Variants in MTUS1 observed in about 807,000 individuals in gnomAD.
MTUS1 encodes microtubule-associated tumor suppressor 1.
In MTUS1, 109 loss-of-function variants were observed where a neutral mutation model predicts 120.8. The observed-to-expected ratio is 0.90, with a 90% CI of 0.77 to 1.06. MTUS1 has a LOEUF of 1.06. Ranked by LOEUF, MTUS1 falls within the 50% of genes least tolerant of loss-of-function variation. The pLI is 0.00. For synonymous variants in MTUS1, 737 were observed against 550.5 expected (o/e 1.34, Z -4.74); for missense variants, 2,210 against 1,486.3 (o/e 1.49, Z -8.01).
intron 8 of MTUS1, among the ~76,000 whole-genome samples, chr8:17,665,069 G>A (rs754345849): frequency 1.3e-5 from 2 of 152,186 alleles, no homozygotes; most frequent in Non-Finnish European, 2.9e-5. Flanking sequence ...TTACTCTTAT[G>A]CTTTGTAGAA....
At chr8:17,710,336 G>C (rs1466593703) in intron 6 of MTUS1, among the ~76,000 whole-genome samples, 1 of 152,204 alleles carries the variant, frequency 6.6e-6, no homozygotes, top group Admixed American at 6.5e-5. Context: ...ACTGCTTTAA[G>C]TTTATGGAAT....
At chr8:17,655,499 G>A (rs897084934) in intron 9 of MTUS1, among the ~76,000 whole-genome samples, 13 of 152,088 alleles carry the variant, frequency 8.5e-5, no homozygotes, top group Non-Finnish European at 1.9e-4. Flanking sequence ...CAAGGCAGGC[G>A]GATCACCTGA....
chr8:17,671,153 T>C (rs1378202477), intron 8 of MTUS1, among the ~76,000 whole-genome samples: 2 of 152,074 alleles, frequency 1.3e-5, no homozygotes, highest in Non-Finnish European at 2.9e-5. Flanking sequence ...AATCGTAGTA[T>C]GAAGTTGTAT....
chr8:17,697,986 T>G (rs1267746328), intron 6 of MTUS1, among the ~76,000 whole-genome samples: 3 of 151,720 alleles, frequency 2.0e-5, no homozygotes, highest in Non-Finnish European at 4.4e-5. Context: ...TTGGAAAAGT[T>G]TTTTTTTTAA....
intron 8 of MTUS1, among the ~76,000 whole-genome samples, chr8:17,664,460 AC>A (rs35833930): frequency 1.9e-5 from 2 of 102,850 alleles, no homozygotes; most frequent in African/African-American, 3.8e-5. Context: ...CCCCCACCCC[AC>A]CCCGAAATCC....
Position 17,755,476 on chromosome 8 carries a change from G to T in MTUS1, c.332C>A (p.Thr111Asn), listed in dbSNP as rs987203803. Residue 111 changes from threonine (T) to asparagine (N), a missense_variant, in exon 2 of 15, where the codon ACT (threonine) becomes AAT (asparagine). Physicochemically the swap from Thr to Asn is moderately conservative, Grantham distance 65. Transcript: ENST00000693296. ...GTGTTGCAGATATTTGGGCTTCTCA[G>T]TACCTACAAGTGCAGGACACTGACA... ...SICQCPALVG[T>N]EKPKYLQHSC... The T allele has an allele frequency of 6.2e-7, 1 of 1,614,190 alleles. No homozygotes were observed. The highest frequency in any genetic ancestry group is 1.3e-5 in the African/African-American group (1 of 75,054).
In MTUS1 at chr8:17,760,256, G is replaced by A. The variant is rs138370806; in HGVS notation, c.-154-4295C>T. ...AAAATAAAACAAATTTCAAATTGGT[G>A]AGCAAAGAGACTAAAAAACCCACAA... On this transcript the variant is annotated intron_variant, in intron 1 of 14. Coordinates refer to ENST00000693296, the MANE Select transcript of MTUS1 (RefSeq NM_001363059.2). Among the ~76,000 whole-genome samples the A allele has an allele frequency of 2.3e-3, 345 of 151,956 alleles. 1 individual carries two copies. Among genetic ancestry groups the A allele is most frequent in the African/African-American group, 8.1e-3 (334 of 41,424 alleles).
rs751663952 is a variant in MTUS1, at chr8:17,670,321, G to A, written c.2905+4865C>T. Reference sequence around the variant, plus strand: ...ACTAGAAAAATAAATCTGTGTCACTGTTGTATAGGTAGTAGCGGAAACCAT... The same window carrying A: ...ACTAGAAAAATAAATCTGTGTCACTATTGTATAGGTAGTAGCGGAAACCAT... On this transcript the variant is annotated intron_variant, in intron 8 of 14. Coordinates refer to ENST00000693296, the MANE Select transcript of MTUS1 (RefSeq NM_001363059.2). 6.6e-5 allele frequency among the ~76,000 whole-genome samples: 10 copies of A among 152,298 alleles called. No homozygotes were observed. In the South Asian group the frequency reaches 8.3e-4, roughly 13 times the overall value.
Position 17,655,952 on chromosome 8 carries a change from G to A in MTUS1, c.3019C>T (p.Leu1007Phe). The A allele has an allele frequency of 1.2e-6, 2 of 1,614,178 alleles. No homozygotes were observed. Among genetic ancestry groups the A allele is most frequent in the Non-Finnish European group, 1.7e-6 (2 of 1,180,026 alleles). ...TACTCCCTGGTGTAAAACTCTTTAA[G>A]CCGATTCTCTCGTTCTGTTTTTTCA... ...QAEKTERENR[L>F]KEFYTREYEK... Residue 1007 changes from leucine (L) to phenylalanine (F), a missense_variant, in exon 9 of 15, where the codon CTT (leucine) becomes TTT (phenylalanine). Leu to Phe is a conservative substitution (Grantham distance 22). Coordinates refer to ENST00000693296, the MANE Select transcript of MTUS1 (RefSeq NM_001363059.2).
At chr8:17,723,428 C>T in intron 4 of MTUS1, 1 of 534,242 alleles carries the variant, frequency 1.9e-6, no homozygotes, top group Non-Finnish European at 3.4e-6. Flanking sequence ...CTCCAAAACA[C>T]CATCACTTCA....
intron 6 of MTUS1, among the ~76,000 whole-genome samples, chr8:17,700,437 T>C (rs1046200731): frequency 2.4e-5 from 2 of 83,812 alleles, no homozygotes; most frequent in Non-Finnish European, 4.8e-5. Context: ...GCCATTGCAC[T>C]CCAGCCTGGG....
At chr8:17,706,982 C>G (rs558801426) in intron 6 of MTUS1, among the ~76,000 whole-genome samples, 4 of 152,132 alleles carry the variant, frequency 2.6e-5, no homozygotes, top group Non-Finnish European at 5.9e-5. Flanking sequence ...TTTACTAGAA[C>G]TAAGGAATAT....
At chr8:17,659,380 C>T (rs1809178348) in intron 8 of MTUS1, among the ~76,000 whole-genome samples, 1 of 152,102 alleles carries the variant, frequency 6.6e-6, no homozygotes. Flanking sequence ...ATTTTTAAAA[C>T]AATTAAAAAA....
At chr8:17,778,953 A>T (rs1004647446) in intron 1 of MTUS1, among the ~76,000 whole-genome samples, 4 of 152,212 alleles carry the variant, frequency 2.6e-5, no homozygotes, top group Admixed American at 6.5e-5. Flanking sequence ...TCTAATGCCA[A>T]ATGCTCTGCT....
At chr8:17,758,233 T>A (rs969908471) in intron 1 of MTUS1, 26 of 152,212 alleles carry the variant, frequency 1.7e-4, no homozygotes, top group Non-Finnish European at 1.2e-4. Context: ...GGAACTATGT[T>A]AAAACTGAAA....
intron 3 of MTUS1, among the ~76,000 whole-genome samples, chr8:17,735,646 G>C (rs1341717940): frequency 6.6e-6 from 1 of 152,190 alleles, no homozygotes; most frequent in East Asian, 1.9e-4. Context: ...ATTCCAAACA[G>C]TTCAAATGTC....
intron 6 of MTUS1, among the ~76,000 whole-genome samples, chr8:17,699,564 A>G (rs150529808): frequency 0.016 from 2,385 of 152,318 alleles, 58 homozygotes; most frequent in African/African-American, 0.054. Flanking sequence ...TAAAAGAAGA[A>G]ATTACCATCT....
intron 6 of MTUS1, chr8:17,697,411 A>T: frequency 6.2e-7 from 1 of 1,612,270 alleles, no homozygotes; most frequent in Non-Finnish European, 8.5e-7. Context: ...TTCACAGAAG[A>T]GGCAATTTCC....
intron 6 of MTUS1, chr8:17,697,260 T>G (rs745371216): frequency 1.6e-5 from 26 of 1,613,540 alleles, no homozygotes; most frequent in Non-Finnish European, 2.1e-5. Context: ...GACAGACCTG[T>G]GTGGAAAACA....
Sources: gnomAD v4.1 joint callset for allele counts (sites outside exome capture counted in the v4.1 genomes callset) on GRCh38, gnomAD v4.1.1 for gene constraint, MANE v1.5 for transcripts, NCBI Gene and HGNC (gene_info 2026-07-23, HGNC 2026-07-21) for gene names.